Variants in IDUA observed in about 807,000 individuals in gnomAD.
IDUA encodes the protein iduronidase alpha-L-.
Under a neutral mutation model 68.9 loss-of-function variants are expected in IDUA, and 65 were observed. The ratio of observed to expected loss-of-function variants is 0.94; its 90% CI spans 0.77 to 1.16. IDUA has a LOEUF of 1.16. Among genes scored for constraint, IDUA ranks in the 50% most tolerant of loss-of-function variants. The pLI is 0.00. For missense variants in IDUA, 1,046 were observed against 938.0 expected, an observed-to-expected ratio of 1.12 and a Z score of -1.50; for synonymous variants, 529 against 433.6, an observed-to-expected ratio of 1.22 and a Z score of -2.73.
intron 2 of IDUA, among the ~76,000 whole-genome samples, chr4:997,677 G>A (rs1449863462): frequency 6.6e-6 from 1 of 152,188 alleles, no homozygotes; most frequent in African/African-American, 2.4e-5. Flanking sequence ...GGGGTGGGCT[G>A]CGCGCTCCAT....
At chr4:995,738 C>A (rs763297248) in intron 2 of IDUA, among the ~76,000 whole-genome samples, 3 of 152,166 alleles carry the variant, frequency 2.0e-5, no homozygotes, top group Non-Finnish European at 4.4e-5. Context: ...CCTGGACACT[C>A]ACCCCACCAA....
intron 2 of IDUA, among the ~76,000 whole-genome samples, chr4:999,087 C>G (rs1714922314): frequency 6.6e-6 from 1 of 152,032 alleles, no homozygotes; most frequent in Non-Finnish European, 1.5e-5. Context: ...CGCCTGTAGT[C>G]CCAGCTACTC....
intron 2 of IDUA, chr4:992,326 C>A: frequency 2.5e-6 from 1 of 405,936 alleles, no homozygotes; most frequent in Non-Finnish European, 5.1e-6. Flanking sequence ...CACCTCCACC[C>A]ACCCCTCTGT....
rs375937274 is a variant in IDUA, at chr4:991,648, C to T, written c.299+3699C>T. 90 of 1,552,562 alleles carry T rather than the reference C, an allele frequency of 5.8e-5. No individual in the cohort carries two copies. Among genetic ancestry groups the T allele is most frequent in the Admixed American group, 4.9e-4 (27 of 55,344 alleles). ...CAGACCCCGGGGTGCTGGGCGCTGCCGTCGGACCGGCACCGGCCCTCTGCC... is the reference window on the plus strand; with the variant it reads ...CAGACCCCGGGGTGCTGGGCGCTGCTGTCGGACCGGCACCGGCCCTCTGCC... On this transcript the variant is annotated intron_variant, in intron 2 of 13. Transcript: ENST00000514224.
At chr4:1,002,638 G>T in intron 8 of IDUA, 94 bp from the exon 9 acceptor site, 1 of 1,184,038 alleles carries the variant, frequency 8.4e-7, no homozygotes, top group Non-Finnish European at 1.2e-6. Flanking sequence ...CCTTCACCAA[G>T]GGGAGGGGGA....
chr4:996,041 C>T (rs868205143), intron 2 of IDUA, among the ~76,000 whole-genome samples: 1 of 152,184 alleles, frequency 6.6e-6, no homozygotes, highest in Non-Finnish European at 1.5e-5. Context: ...GGTCTCATAC[C>T]CCCATAGCCT....
Position 1,001,698 on chromosome 4 carries a change from T to C in IDUA, c.609T>C (p.Asp203=), listed in dbSNP as rs1577539347. ...GCCCAGGCTTCCTGAACTACTACGA[T>C]GCCTGCTCGGAGGGTCTGCGCGCCG... ...MTMQGFLNYY[D]ACSEGLRAAS... The change falls in exon 6 of 14, where the codon GAT becomes GAC. Residue 203 remains aspartate, a synonymous_variant. Coordinates refer to ENST00000514224, the MANE Select transcript of IDUA (RefSeq NM_000203.5). 2 of 1,600,350 alleles carry C rather than the reference T, an allele frequency of 1.2e-6. No homozygotes were observed. Among genetic ancestry groups the C allele is most frequent in the East Asian group, 2.2e-5 (1 of 44,752 alleles).
intron 12 of IDUA, 173 bp downstream of exon 12, chr4:1,003,798 TG>T: frequency 1.2e-6 from 1 of 817,512 alleles, no homozygotes; most frequent in South Asian, 1.5e-5. Flanking sequence ...CGCCAGGCCC[TG>T]CCAGTGGGGT....
At chr4:988,264 T>A (rs1713905262) in intron 2 of IDUA, 4 of 1,225,500 alleles carry the variant, frequency 3.3e-6, no homozygotes, top group Non-Finnish European at 4.1e-6. Flanking sequence ...CCACTGCACC[T>A]GAGGGCTGAG....
In IDUA at chr4:1,002,320, C is replaced by T. The variant is rs1462289312; in HGVS notation, c.1024C>T (p.Pro342Ser). Residue 342 changes from proline to serine, a missense_variant, in exon 8 of 14, where the codon CCC becomes TCC. Transcript: ENST00000514224. ...LLLANTTSAF[P>S]YALLSNDNAF... Reference sequence around the variant, plus strand: ...ACTGGCCAACACCACCTCCGCCTTCCCCTACGCGCTCCTGAGCAACGACAA... The same window carrying T: ...ACTGGCCAACACCACCTCCGCCTTCTCCTACGCGCTCCTGAGCAACGACAA... 1.9e-6 allele frequency: 3 copies of T among 1,613,232 alleles called. No homozygotes were observed. The highest frequency in any genetic ancestry group is 1.7e-5 in the Admixed American group (1 of 59,988).
chr4:988,779 G>A (rs1455078953), intron 2 of IDUA: 11 of 1,472,430 alleles, frequency 7.5e-6, no homozygotes, highest in East Asian at 2.5e-5. Flanking sequence ...GCTTGCAGAC[G>A]TCTGCTGTGG....
Position 991,784 on chromosome 4 carries a change from G to A in IDUA, c.299+3835G>A, listed in dbSNP as rs369468742. The A allele has an allele frequency of 4.6e-5, 71 of 1,528,828 alleles. No homozygotes were observed. In the African/African-American group the frequency reaches 6.9e-4, roughly 15 times the overall value. 94.7% of individuals were successfully genotyped at this position (1,528,828 alleles called of 1,614,324 possible). On this transcript the variant is annotated intron_variant, in intron 2 of 13. Coordinates refer to ENST00000514224, the MANE Select transcript of IDUA (RefSeq NM_000203.5). ...GGAGCCCCCGGATCCAGGGCCAAAC[G>A]ACAAGGTCCCCGGCAGCAACGGGCC... is the stretch of plus-strand genomic sequence containing the variant.
rs936698637 is a variant in IDUA at position 987,350 on chromosome 4, G to A, written c.158+108G>A. The A allele has an allele frequency of 3.6e-6, 4 of 1,108,930 alleles. No homozygotes were observed. In the African/African-American group the frequency reaches 4.9e-5, roughly 14 times the overall value. 68.7% of individuals were successfully genotyped at this position (1,108,930 alleles called of 1,614,324 possible). A position where few individuals can be genotyped will look rare whatever the true frequency, so the allele number is the denominator to read the frequency against. ...AGAGACCGGAGCTCCCTCCTCTGGG[G>A]CCCTGGCTCTCCCGGGCCCGCCCCC... On this transcript the variant is annotated intron_variant, in intron 1 of 13. Coordinates refer to ENST00000514224, the MANE Select transcript of IDUA (RefSeq NM_000203.5).
At chr4:989,520 G>C in intron 2 of IDUA, 1 of 1,554,680 alleles carries the variant, frequency 6.4e-7, no homozygotes. Context: ...TGCCTGCCCA[G>C]ACCAGCGCGT....
At chr4:1,001,224 G>A (rs1715052022) in intron 4 of IDUA, 1 of 623,018 alleles carries the variant, frequency 1.6e-6, no homozygotes, top group African/African-American at 1.8e-5. Context: ...GGCCCCTGGG[G>A]TGGGGGGTAC....
intron 2 of IDUA, chr4:989,949 A>G (rs769517277): frequency 1.3e-6 from 2 of 1,555,846 alleles, no homozygotes; most frequent in Non-Finnish European, 8.7e-7. Flanking sequence ...CTGGGACCTG[A>G]GGGGGCATGA....
In IDUA at chr4:1,002,306, C is replaced by T. The variant is rs767858023; in HGVS notation, c.1010C>T (p.Thr337Ile). The part of the protein sequence containing the change: ...AQHQNLLLAN[T>I]TSAFPYALLS... ...CATCAGAACCTGCTACTGGCCAACA[C>T]CACCTCCGCCTTCCCCTACGCGCTC... The change falls in exon 8 of 14, where the codon ACC (threonine) becomes ATC (isoleucine). Residue 337 changes from threonine to isoleucine, a missense_variant. Physicochemically the swap from Thr to Ile is moderately conservative, Grantham distance 89. Transcript: ENST00000514224. The T allele has an allele frequency of 6.2e-7, 1 of 1,612,962 alleles. No individual in the cohort carries two copies. Among genetic ancestry groups the T allele is most frequent in the Non-Finnish European group, 8.5e-7 (1 of 1,179,636 alleles).
At chr4:996,706 G>T (rs966005846) in intron 2 of IDUA, among the ~76,000 whole-genome samples, 2 of 152,212 alleles carry the variant, frequency 1.3e-5, no homozygotes, top group Admixed American at 1.3e-4. Context: ...CTTGGGGCCT[G>T]ACCTGCCCCC....
intron 2 of IDUA, among the ~76,000 whole-genome samples, chr4:998,660 C>T (rs1319207620): frequency 6.6e-6 from 1 of 152,160 alleles, no homozygotes; most frequent in East Asian, 1.9e-4. Flanking sequence ...CCAATCTCCT[C>T]ACTCAGTTCA....
Sources: allele counts gnomAD v4.1 joint callset (sites outside exome capture counted in the v4.1 genomes callset), GRCh38; gene constraint gnomAD v4.1.1; transcripts MANE v1.5; gene names NCBI Gene and HGNC (gene_info 2026-07-23, HGNC 2026-07-21).